The following RTN1 variants were observed in gnomAD, a reference collection of about 807,000 sequenced individuals.
The protein encoded by RTN1 is reticulon 1.
RTN1 carries 25 observed loss-of-function variants against 65.5 expected under a neutral mutation model. The observed-to-expected ratio is 0.38, with a 90% CI of 0.28 to 0.53. The LOEUF is 0.53. Ranked by LOEUF, RTN1 falls within the 20% of genes least tolerant of loss-of-function variation. The probability of loss-of-function intolerance (pLI) is 0.79; values close to 1 mark genes in which losing one functional copy is unlikely to be tolerated. For missense variants in RTN1, 983 were observed against 1,025.4 expected (o/e 0.96, Z 0.57); for synonymous variants, 471 against 447.6 (o/e 1.05, Z -0.66).
intron 3 of RTN1, among the ~76,000 whole-genome samples, chr14:59,615,786 C>A (rs1284358506): frequency 6.6e-6 from 1 of 151,704 alleles, no homozygotes; most frequent in Non-Finnish European, 1.5e-5. Context: ...GGGTAAATGG[C>A]AGGGAAAAAA....
At chr14:59,687,267 C>A (rs542382731) in intron 3 of RTN1, among the ~76,000 whole-genome samples, 1 of 152,158 alleles carries the variant, frequency 6.6e-6, no homozygotes, top group East Asian at 1.9e-4. Context: ...CCTGCGCCAG[C>A]AGTCTGAGCC....
At chr14:59,677,755 C>T (rs1883658376) in intron 3 of RTN1, among the ~76,000 whole-genome samples, 1 of 152,158 alleles carries the variant, frequency 6.6e-6, no homozygotes, top group Non-Finnish European at 1.5e-5. Flanking sequence ...GCACTTGGCA[C>T]TTACCCATCC....
intron 3 of RTN1, among the ~76,000 whole-genome samples, chr14:59,617,163 T>C (rs560343359): frequency 7.0e-4 from 106 of 152,212 alleles, no homozygotes; most frequent in Non-Finnish European, 1.2e-3. Context: ...AGAATCAAAG[T>C]TGACTTATAA....
chr14:59,645,051 G>A (rs1320337209), intron 3 of RTN1, among the ~76,000 whole-genome samples: 2 of 152,168 alleles, frequency 1.3e-5, no homozygotes, highest in African/African-American at 4.8e-5. Context: ...GACTGGGGCA[G>A]TTCCCCAGCA....
intron 3 of RTN1, among the ~76,000 whole-genome samples, chr14:59,673,317 G>C (rs997495892): frequency 6.6e-6 from 1 of 152,104 alleles, no homozygotes; most frequent in Admixed American, 6.5e-5. Flanking sequence ...CTCGGCGAGT[G>C]GGAGGGAGTG....
Position 59,770,750 on chromosome 14 carries a change from A to G in RTN1, c.242-24269T>C, listed in dbSNP as rs950258657. On this transcript the variant is annotated intron_variant, in intron 1 of 8. Transcript: ENST00000267484. ...TCCCTGAAGGCTTTACTAACCTTAA[A>G]TACTTTATTTAAGAATTCTGTTGGC... Among the ~76,000 whole-genome samples, 8 of 152,102 alleles carry G rather than the reference A, an allele frequency of 5.3e-5. No homozygotes were observed. In the East Asian group the frequency reaches 1.5e-3, roughly 29 times the overall value.
intron 3 of RTN1, among the ~76,000 whole-genome samples, chr14:59,648,353 C>G (rs994744279): frequency 2.0e-5 from 3 of 152,094 alleles, no homozygotes; most frequent in Non-Finnish European, 4.4e-5. Context: ...CTGCATTCTG[C>G]CATTAAAATA....
At chr14:59,802,047 A>G (rs997268836) in intron 1 of RTN1, among the ~76,000 whole-genome samples, 8 of 152,230 alleles carry the variant, frequency 5.3e-5, no homozygotes, top group Admixed American at 5.2e-4. Flanking sequence ...TTAATGTGAT[A>G]GAGGAAATTG....
intron 1 of RTN1, among the ~76,000 whole-genome samples, chr14:59,770,693 T>A (rs1885939332): frequency 1.3e-5 from 2 of 152,110 alleles, no homozygotes; most frequent in South Asian, 4.1e-4. Context: ...AAAATGAAAA[T>A]AAACATTTAG....
intron 1 of RTN1, among the ~76,000 whole-genome samples, chr14:59,752,374 T>A (rs1047459974): frequency 8.5e-5 from 13 of 152,104 alleles, no homozygotes; most frequent in Admixed American, 3.3e-4. Context: ...GGGCCACTTT[T>A]ATAAGGTCAC....
intron 8 of RTN1, among the ~76,000 whole-genome samples, chr14:59,602,182 C>T (rs1274814651): frequency 6.6e-6 from 1 of 152,162 alleles, no homozygotes; most frequent in Non-Finnish European, 1.5e-5. Flanking sequence ...TTTGTTATTA[C>T]ACATCTTTAA....
intron 1 of RTN1, among the ~76,000 whole-genome samples, chr14:59,792,618 G>A (rs528601634): frequency 4.2e-4 from 64 of 152,128 alleles, no homozygotes; most frequent in African/African-American, 1.4e-3. Flanking sequence ...AGTCAAAATC[G>A]TCCATTTCTC....
At chr14:59,853,224 T>A (rs1435462333) in intron 1 of RTN1, among the ~76,000 whole-genome samples, 3 of 152,126 alleles carry the variant, frequency 2.0e-5, no homozygotes, top group Admixed American at 6.5e-5. Context: ...CTAATGTATC[T>A]CCTCTATTAT....
chr14:59,727,291 C>T lies in RTN1; in HGVS notation c.1393G>A (p.Glu465Lys), dbSNP rs1449758893. The change falls in exon 3 of 9, where the codon GAG becomes AAG. Residue 465 changes from glutamate to lysine, a missense_variant. This residue lies in a region of RTN1 where 818 missense variants were observed against 801.8 expected (regional missense o/e 1.02). Coordinates refer to ENST00000267484, the MANE Select transcript of RTN1 (RefSeq NM_021136.3). The surrounding 1 kb of genome is among the most constrained non-coding windows in gnomAD (Gnocchi z 4.2). Reference sequence around the variant, plus strand: ...GCGTCGCACGACTCGATGATGAGCTCGCTGTCCAGCTCGGCCTCGCGCTCC... The same window carrying T: ...GCGTCGCACGACTCGATGATGAGCTTGCTGTCCAGCTCGGCCTCGCGCTCC... ...REEREAELDS[E>K]LIIESCDASS... is the part of the protein sequence containing the mutation. 4 of 1,499,190 alleles carry T rather than the reference C, an allele frequency of 2.7e-6. No individual in the cohort carries two copies. The highest frequency in any genetic ancestry group is 1.3e-5 in the South Asian group (1 of 75,532). The allele number at this position is 1,499,190 out of a possible 1,614,324, so 92.9% of individuals were successfully genotyped here. A position where few individuals can be genotyped will look rare whatever the true frequency, so the allele number is the denominator to read the frequency against.
At chr14:59,730,536 T>G (rs1175099730) in intron 2 of RTN1, among the ~76,000 whole-genome samples, 1 of 152,146 alleles carries the variant, frequency 6.6e-6, no homozygotes, top group African/African-American at 2.4e-5. Flanking sequence ...CTTTTGTGCT[T>G]CAGAGAATAC....
rs1315885502 is a variant in RTN1, at chr14:59,803,740, T to C, written c.242-57259A>G. On this transcript the variant is annotated intron_variant, in intron 1 of 8. Transcript: ENST00000267484. This position sits in a 1 kb window ranked among gnomAD's most constrained non-coding sequence, Gnocchi z 5.6. Reference sequence around the variant, plus strand: ...TTCCTGAGCTGCGCTACCTGTGACCTGAGGAAAAACAGCAGCAAATAGCAA... The same window carrying C: ...TTCCTGAGCTGCGCTACCTGTGACCCGAGGAAAAACAGCAGCAAATAGCAA... Among the ~76,000 whole-genome samples, 1 of 152,216 alleles carries C rather than the reference T, an allele frequency of 6.6e-6. No homozygotes were observed. The highest frequency in any genetic ancestry group is 1.5e-5 in the Non-Finnish European group (1 of 68,042).
At chr14:59,782,268 T>C (rs550637679) in intron 1 of RTN1, among the ~76,000 whole-genome samples, 10 of 152,268 alleles carry the variant, frequency 6.6e-5, no homozygotes, top group Non-Finnish European at 1.3e-4. Flanking sequence ...AGACATAGGA[T>C]AGAAGAGTAC....
chr14:59,746,569 G>A lies in RTN1; in HGVS notation c.242-88C>T, dbSNP rs1010592458. 3.5e-6 allele frequency: 4 copies of A among 1,143,774 alleles called. No homozygotes were observed. In the African/African-American group the frequency reaches 6.2e-5, roughly 18 times the overall value. The allele number at this position is 1,143,774 out of a possible 1,614,324, so 70.9% of individuals were successfully genotyped here. A position where few individuals can be genotyped will look rare whatever the true frequency, so the allele number is the denominator to read the frequency against. On this transcript the variant is annotated intron_variant, in intron 1 of 8. Transcript: ENST00000267484. ...AACCCACCACCCACCCCTGCCTGGTGAAGACATGACATCCTTTCTCCTTAA... is the reference window on the plus strand; with the variant it reads ...AACCCACCACCCACCCCTGCCTGGTAAAGACATGACATCCTTTCTCCTTAA...
chr14:59,792,052 G>A (rs1021316599), intron 1 of RTN1, among the ~76,000 whole-genome samples: 1 of 152,258 alleles, frequency 6.6e-6, no homozygotes, highest in East Asian at 1.9e-4. Flanking sequence ...GGAATTAGGA[G>A]TCATGGAGGT....
Sources: gnomAD v4.1 joint callset for allele counts (sites outside exome capture counted in the v4.1 genomes callset) on GRCh38, gnomAD v4.1.1 for gene constraint, gnomAD v4.1.1 regional missense constraint, Gnocchi (gnomAD v3.1) non-coding constraint, MANE v1.5 for transcripts, NCBI Gene and HGNC (gene_info 2026-07-23, HGNC 2026-07-21) for gene names.